The following NLRP8 variants were observed in gnomAD, a reference collection of about 807,000 sequenced individuals.
NLRP8 encodes NACHT, LRR and PYD domains-containing protein 8.
A neutral mutation model predicts 88.7 loss-of-function variants in NLRP8; 86 were observed. The ratio of observed to expected loss-of-function variants is 0.97; its 90% CI spans 0.81 to 1.16. The LOEUF is 1.16. Ranked by LOEUF, NLRP8 falls within the 50% of genes most tolerant of loss-of-function variation. The pLI is 0.00. For synonymous variants in NLRP8, 504 were observed against 494.6 expected (o/e 1.02, Z -0.25); for missense variants, 1,342 against 1,286.5 (o/e 1.04, Z -0.66).
intron 8 of NLRP8, among the ~76,000 whole-genome samples, chr19:55,977,756 AT>A (rs869135210): frequency 7.8e-6 from 1 of 127,470 alleles, no homozygotes; most frequent in Non-Finnish European, 1.8e-5. Context: ...TTCAATCCAA[AT>A]TTTTTGCTCT....
intron 9 of NLRP8, among the ~76,000 whole-genome samples, chr19:55,986,608 T>G (rs1288287595): frequency 6.6e-6 from 1 of 152,170 alleles, no homozygotes; most frequent in Non-Finnish European, 1.5e-5. Context: ...CAGCAGCACC[T>G]GTAAGTGGTG....
At chr19:55,974,896 A>G (rs1181364580) in intron 7 of NLRP8, among the ~76,000 whole-genome samples, 1 of 151,928 alleles carries the variant, frequency 6.6e-6, no homozygotes, top group East Asian at 1.9e-4. Context: ...GCTGCTTGTA[A>G]TTAGGAGAGA....
At position 55,954,681 on chromosome 19, in the gene NLRP8, T is replaced by C; in HGVS notation, c.623T>C (p.Ile208Thr). The change falls in exon 3 of 10, where the codon ATA becomes ACA. Residue 208 changes from isoleucine (I) to threonine (T), a missense_variant. Transcript: ENST00000291971. Reference sequence around the variant, plus strand: ...GGTAGACAGCCCAAGACCGTGGCCATACAGGGAGCTCCTGGGATCGGAAAA... The same window carrying C: ...GGTAGACAGCCCAAGACCGTGGCCACACAGGGAGCTCCTGGGATCGGAAAA... The C allele has an allele frequency of 2.5e-6, 4 of 1,614,104 alleles. No individual in the cohort carries two copies. The highest frequency in any genetic ancestry group is 3.4e-6 in the Non-Finnish European group (4 of 1,180,020).
chr19:55,980,531 G>A (rs1376762278), intron 9 of NLRP8, among the ~76,000 whole-genome samples: 3 of 152,182 alleles, frequency 2.0e-5, no homozygotes, highest in Non-Finnish European at 2.9e-5. Context: ...CACTGGCTGG[G>A]GTTTGATGAG....
intron 1 of NLRP8, among the ~76,000 whole-genome samples, chr19:55,951,657 C>T (rs306503): frequency 0.77 from 116,600 of 152,230 alleles, 45,476 homozygotes; most frequent in African/African-American, 0.91. Context: ...GCATAGAACC[C>T]ATACACATCC....
At position 55,955,676 on chromosome 19, in the gene NLRP8, C is replaced by A. The variant is rs766093733; in HGVS notation, c.1618C>A (p.Arg540Ser). The change falls in exon 3 of 10, where the codon CGC becomes AGC. Residue 540 changes from arginine (R) to serine (S), a missense_variant. By Grantham distance (110) the Arg-to-Ser change is moderately radical. Transcript: ENST00000291971. ...TGTGTTGAGCCACGTGAATATCCAG[C>A]GCCTGATAGCGAGTCCCAGAGGAAG... 4 of 1,614,174 alleles carry A rather than the reference C, an allele frequency of 2.5e-6. No homozygotes were observed. Among genetic ancestry groups the A allele is most frequent in the Non-Finnish European group, 3.4e-6 (4 of 1,179,998 alleles).
Position 55,970,523 on chromosome 19 carries a change from AT to A in NLRP8, c.2382-18del, listed in dbSNP as rs779972340. 2 of 1,613,106 alleles carry A rather than the reference AT, an allele frequency of 1.2e-6. No homozygotes were observed. Among genetic ancestry groups the A allele is most frequent in the East Asian group, 4.5e-5 (2 of 44,864 alleles). On this transcript the variant is annotated intron_variant, in intron 5 of 9. Transcript: ENST00000291971. ...ATTTTCCCCAGAACCATGGCTCAGC[AT>A]TTGTATCTGGCTTCTACAGGTTGGA... is the stretch of plus-strand genomic sequence containing the variant.
chr19:55,968,947 C>T (rs1238122851), intron 5 of NLRP8, among the ~76,000 whole-genome samples: 1 of 152,040 alleles, frequency 6.6e-6, no homozygotes, highest in African/African-American at 2.4e-5. Context: ...TCCTCCCACT[C>T]CTCGCTCAGT....
chr19:55,978,541 C>A (rs1044778491), intron 8 of NLRP8, among the ~76,000 whole-genome samples: 1 of 152,124 alleles, frequency 6.6e-6, no homozygotes. Flanking sequence ...TGGCTCAGAT[C>A]TCTTTCCCTC....
chr19:55,969,070 T>G (rs1025272609), intron 5 of NLRP8, among the ~76,000 whole-genome samples: 5 of 152,230 alleles, frequency 3.3e-5, no homozygotes, highest in Non-Finnish European at 7.3e-5. Context: ...GTTAGACATT[T>G]ACTGCCACAC....
chr19:55,963,201 A>T (rs953362811), intron 4 of NLRP8, among the ~76,000 whole-genome samples: 2 of 151,994 alleles, frequency 1.3e-5, no homozygotes, highest in African/African-American at 4.8e-5. Context: ...TTTAGTAGAG[A>T]TGGGGTTTCA....
In NLRP8 at chr19:55,957,079, C is replaced by T. The variant is rs186638267; in HGVS notation, c.2042+979C>T. Among the ~76,000 whole-genome samples the T allele has an allele frequency of 1.2e-4, 19 of 152,278 alleles. 1 individual carries two copies. The highest frequency in any genetic ancestry group is 7.7e-4 in the East Asian group (4 of 5,172). ...AAGCACTGGAATTACAGGCATGAGC[C>T]GCTGCGCCCAGCCTCACTCCTACTT... On this transcript the variant is annotated intron_variant, in intron 3 of 9. Transcript: ENST00000291971.
chr19:55,958,077 C>G (rs1979455457), intron 3 of NLRP8, among the ~76,000 whole-genome samples: 1 of 152,090 alleles, frequency 6.6e-6, no homozygotes, highest in Non-Finnish European at 1.5e-5. Context: ...GGTCACACAT[C>G]TGGTCGAAGC....
Position 55,988,031 on chromosome 19 carries a change from C to A in NLRP8, c.*118C>A, listed in dbSNP as rs1270638658. On this transcript the variant is annotated 3_prime_UTR_variant, in exon 10 of 10. Transcript: ENST00000291971. ...GTACTTTCCCCTGAAACAGAGCAAC[C>A]CAGTCAACACCACAGAACCTCAGCT... 2.8e-6 allele frequency: 2 copies of A among 716,560 alleles called. No individual in the cohort carries two copies. The highest frequency in any genetic ancestry group is 4.2e-5 in the Admixed American group (2 of 47,996). 44.4% of individuals were successfully genotyped at this position (716,560 alleles called of 1,614,324 possible).
At chr19:55,971,389 C>T (rs1385717605) in intron 6 of NLRP8, among the ~76,000 whole-genome samples, 3 of 140,274 alleles carry the variant, frequency 2.1e-5, no homozygotes, top group South Asian at 2.2e-4. Context: ...TGCAGTGAGC[C>T]GAGATCGCAC....
At chr19:55,970,427 A>G in intron 5 of NLRP8, 117 bp from the exon 6 acceptor site, 1 of 1,239,684 alleles carries the variant, frequency 8.1e-7, no homozygotes, top group South Asian at 1.6e-5. Flanking sequence ...AAAGTTGGAA[A>G]TAATCCCCCG....
chr19:55,955,376 G>A lies in NLRP8; in HGVS notation c.1318G>A (p.Glu440Lys). 1.2e-6 allele frequency: 2 copies of A among 1,614,212 alleles called. No individual in the cohort carries two copies. Among genetic ancestry groups the A allele is most frequent in the Non-Finnish European group, 1.7e-6 (2 of 1,180,042 alleles). Reference sequence around the variant, plus strand: ...TTCTAGCTTGTTTCCCACCAGAGCTGAGAACTTTTCCAGAAAGATCCACCA... The same window carrying A: ...TTCTAGCTTGTTTCCCACCAGAGCTAAGAACTTTTCCAGAAAGATCCACCA... The change falls in exon 3 of 10, where the codon GAG becomes AAG. Residue 440 changes from glutamate (E) to lysine (K), a missense_variant. Transcript: ENST00000291971.
chr19:55,953,013 T>C (rs141368287), intron 2 of NLRP8, among the ~76,000 whole-genome samples: 2,971 of 152,262 alleles, frequency 0.02, 99 homozygotes, highest in African/African-American at 0.068. Flanking sequence ...GTCTGTGGCC[T>C]GTTAGGAACT....
intron 1 of NLRP8, among the ~76,000 whole-genome samples, chr19:55,951,759 TA>T (rs1979105064): frequency 6.6e-6 from 1 of 152,244 alleles, no homozygotes; most frequent in Non-Finnish European, 1.5e-5. Context: ...TTGGGTTTTT[TA>T]TTTTTTTGAG....
Sources: allele counts gnomAD v4.1 joint callset (sites outside exome capture counted in the v4.1 genomes callset), GRCh38; gene constraint gnomAD v4.1.1; transcripts MANE v1.5; gene names NCBI Gene and HGNC (gene_info 2026-07-23, HGNC 2026-07-21).